The following SPTLC3 variants were observed in gnomAD, a reference collection of about 807,000 sequenced individuals.
SPTLC3 encodes serine palmitoyltransferase long chain base subunit 3.
SPTLC3 carries 36 observed loss-of-function variants against 59.3 expected under a neutral mutation model. The ratio of observed to expected loss-of-function variants is 0.61; its 90% CI spans 0.47 to 0.80. The LOEUF is 0.80. Among genes scored for constraint, SPTLC3 ranks in the 30% least tolerant of loss-of-function variants. The pLI is 0.00. For missense variants in SPTLC3, 625 were observed against 685.1 expected (o/e 0.91, Z 0.98); for synonymous variants, 257 against 240.8 (o/e 1.07, Z -0.62).
chr20:13,095,327 A>G (rs766203649), intron 6 of SPTLC3, among the ~76,000 whole-genome samples: 4 of 152,180 alleles, frequency 2.6e-5, no homozygotes, highest in Non-Finnish European at 2.9e-5. Context: ...ACAGATCAAC[A>G]TGATCATCAT....
chr20:13,021,363 T>G (rs950575019), intron 1 of SPTLC3, among the ~76,000 whole-genome samples: 4 of 152,190 alleles, frequency 2.6e-5, no homozygotes, highest in Admixed American at 6.5e-5. Context: ...TAAGACATTC[T>G]TCTTCAAAGG....
At chr20:13,121,707 C>A (rs754709734) in intron 8 of SPTLC3, among the ~76,000 whole-genome samples, 1 of 152,170 alleles carries the variant, frequency 6.6e-6, no homozygotes, top group Admixed American at 6.5e-5. Context: ...GGAATCAAGG[C>A]TCTCCCTGAC....
intron 7 of SPTLC3, among the ~76,000 whole-genome samples, chr20:13,113,067 C>A: frequency 6.6e-6 from 1 of 151,404 alleles, no homozygotes; most frequent in East Asian, 1.9e-4. Flanking sequence ...CCCATAATCC[C>A]AGTTACTGAG....
Position 13,165,061 on chromosome 20 carries a change from G to C in SPTLC3, c.*194G>C, listed in dbSNP as rs904253437. On this transcript the variant is annotated 3_prime_UTR_variant, in exon 12 of 12. Coordinates refer to ENST00000399002, the MANE Select transcript of SPTLC3 (RefSeq NM_018327.4). ...CTGCAGAGACAAAAACATGATTCCAGATTTAAGTCTCTCTTCTTCCAAGTA... is the reference window on the plus strand; with the variant it reads ...CTGCAGAGACAAAAACATGATTCCACATTTAAGTCTCTCTTCTTCCAAGTA... The C allele has an allele frequency of 4.7e-5, 25 of 528,962 alleles. No homozygotes were observed. The highest frequency in any genetic ancestry group is 7.1e-5 in the Non-Finnish European group (21 of 297,542). The allele number at this position is 528,962 out of a possible 1,614,324, so 32.8% of individuals were successfully genotyped here. A position where few individuals can be genotyped will look rare whatever the true frequency, so the allele number is the denominator to read the frequency against.
rs943830460 is a variant in SPTLC3, at chr20:13,166,672, G to A, written c.*1805G>A. 3 of 152,282 alleles carry A rather than the reference G, an allele frequency of 2.0e-5. No individual in the cohort carries two copies. The highest frequency in any genetic ancestry group is 7.2e-5 in the African/African-American group (3 of 41,556). The allele number at this position is 152,282 out of a possible 1,614,324, so 9.4% of individuals were successfully genotyped here. ...TGTCCAAAATGCATAAATGCCTTGC[G>A]TTCTATAAAGGAAACAGGAGGTCAA... is the stretch of plus-strand genomic sequence containing the variant. On this transcript the variant is annotated 3_prime_UTR_variant, in exon 12 of 12. Coordinates refer to ENST00000399002, the MANE Select transcript of SPTLC3 (RefSeq NM_018327.4).
At chr20:13,061,965 CTT>C (rs1345142622) in intron 2 of SPTLC3, among the ~76,000 whole-genome samples, 2 of 152,178 alleles carry the variant, frequency 1.3e-5, no homozygotes, top group African/African-American at 4.8e-5. Flanking sequence ...CGCAGCCTCT[CTT>C]ATGTCTCTAA....
At chr20:13,075,141 A>C (rs1988598261) in intron 4 of SPTLC3, among the ~76,000 whole-genome samples, 1 of 152,090 alleles carries the variant, frequency 6.6e-6, no homozygotes, top group Non-Finnish European at 1.5e-5. Flanking sequence ...ATTCAAAAAA[A>C]AAAAAAAAAC....
At chr20:13,055,570 G>A (rs916623269) in intron 2 of SPTLC3, among the ~76,000 whole-genome samples, 4 of 152,256 alleles carry the variant, frequency 2.6e-5, no homozygotes, top group African/African-American at 7.2e-5. Context: ...GAAGGCTTAG[G>A]CTTCAAATCT....
intron 4 of SPTLC3, among the ~76,000 whole-genome samples, chr20:13,077,047 G>A (rs1347030571): frequency 6.6e-6 from 1 of 152,126 alleles, no homozygotes; most frequent in East Asian, 1.9e-4. Flanking sequence ...CTAGAAAATA[G>A]TGGAATACAA....
At chr20:13,028,239 A>AT (rs1008775537) in intron 1 of SPTLC3, among the ~76,000 whole-genome samples, 7 of 152,050 alleles carry the variant, frequency 4.6e-5, no homozygotes, top group Non-Finnish European at 1.0e-4. Context: ...ATGTTATATG[A>AT]TTTTTTTTAA....
intron 4 of SPTLC3, chr20:13,079,755 T>C: frequency 2.1e-6 from 1 of 470,282 alleles, no homozygotes; most frequent in Non-Finnish European, 4.4e-6. Context: ...CCAGGTGAAT[T>C]CACCTCATCC....
chr20:13,051,095 TA>T (rs1229215097), intron 2 of SPTLC3: 1 of 152,200 alleles, frequency 6.6e-6, no homozygotes, highest in Non-Finnish European at 1.5e-5. Flanking sequence ...CACATTTCAA[TA>T]CTAACATTGA....
intron 1 of SPTLC3, among the ~76,000 whole-genome samples, chr20:13,047,285 T>C (rs1363948414): frequency 2.0e-5 from 3 of 152,126 alleles, no homozygotes; most frequent in African/African-American, 7.2e-5. Context: ...GAAGATAATA[T>C]GCTCTGGAAA....
At chr20:13,081,578 G>A (rs932399776) in intron 4 of SPTLC3, among the ~76,000 whole-genome samples, 3 of 152,028 alleles carry the variant, frequency 2.0e-5, no homozygotes, top group Non-Finnish European at 2.9e-5. Flanking sequence ...TTAAGAACGA[G>A]CAGTTTCTAA....
intron 2 of SPTLC3, among the ~76,000 whole-genome samples, chr20:13,061,185 C>T (rs982756386): frequency 2.0e-5 from 3 of 152,154 alleles, no homozygotes; most frequent in African/African-American, 7.2e-5. Context: ...TACCGTGACT[C>T]AGGGAAGAGA....
At chr20:13,159,625 A>C (rs6033631) in intron 10 of SPTLC3, among the ~76,000 whole-genome samples, 5,766 of 152,290 alleles carry the variant, frequency 0.038, 159 homozygotes, top group African/African-American at 0.079. Flanking sequence ...ATTGCATTAT[A>C]GGAACTATTT....
chr20:13,117,613 C>T lies in SPTLC3; in HGVS notation c.1040C>T (p.Thr347Ile). The T allele has an allele frequency of 1.2e-6, 2 of 1,614,056 alleles. No individual in the cohort carries two copies. The highest frequency in any genetic ancestry group is 1.7e-6 in the Non-Finnish European group (2 of 1,179,958). The change falls in exon 8 of 12, where the codon ACC becomes ATC. Residue 347 changes from threonine to isoleucine, a missense_variant. Transcript: ENST00000399002. ...EAHSIGAVGP[T>I]GRGVTEFFGL... ...CACAGTATTGGGGCCGTGGGCCCAA[C>T]CGGCCGGGGTGTCACGGAGTTCTTT... is the stretch of plus-strand genomic sequence containing the variant.
At chr20:13,122,091 T>A (rs1386179200) in intron 8 of SPTLC3, among the ~76,000 whole-genome samples, 2 of 152,190 alleles carry the variant, frequency 1.3e-5, no homozygotes. Context: ...TAATACCCTA[T>A]ATGCTTTGAG....
At chr20:13,067,353 T>C (rs776289170) in intron 2 of SPTLC3, among the ~76,000 whole-genome samples, 14 of 152,166 alleles carry the variant, frequency 9.2e-5, no homozygotes, top group Admixed American at 2.6e-4. Flanking sequence ...GTTATAGCTC[T>C]TCACTCTCAA....
Sources: gnomAD v4.1 joint callset for allele counts (sites outside exome capture counted in the v4.1 genomes callset) on GRCh38, gnomAD v4.1.1 for gene constraint, MANE v1.5 for transcripts, NCBI Gene and HGNC (gene_info 2026-07-23, HGNC 2026-07-21) for gene names.